The following SLC30A8 variants were observed in gnomAD, a reference collection of about 807,000 sequenced individuals.
SLC30A8 encodes proton-coupled zinc antiporter SLC30A8.
A neutral mutation model predicts 36.9 loss-of-function variants in SLC30A8; 27 were observed. The observed-to-expected ratio is 0.73, with a 90% confidence interval of 0.54 to 1.01. The LOEUF is 1.01. Ranked by LOEUF, SLC30A8 falls within the 50% of genes least tolerant of loss-of-function variation. The pLI is 0.00. For synonymous variants in SLC30A8, 164 were observed against 172.4 expected (o/e 0.95, Z 0.38); for missense variants, 439 against 452.0 (o/e 0.97, Z 0.26).
At chr8:117,170,990 A>AT in intron 6 of SLC30A8, 44 bp from the exon 7 acceptor site, 1 of 1,528,814 alleles carries the variant, frequency 6.5e-7, no homozygotes, top group Non-Finnish European at 8.8e-7. Context: ...AATGAGCTGT[A>AT]TCTAGTTGAA....
chr8:116,974,240 G>T (rs180769020), intron 1 of SLC30A8, among the ~76,000 whole-genome samples: 28 of 152,302 alleles, frequency 1.8e-4, no homozygotes, highest in Non-Finnish European at 3.7e-4. Flanking sequence ...ACCACCATCA[G>T]AGTGAACAGG....
At chr8:116,970,681 C>T (rs535213635) in intron 1 of SLC30A8, among the ~76,000 whole-genome samples, 3 of 152,126 alleles carry the variant, frequency 2.0e-5, no homozygotes, top group Non-Finnish European at 2.9e-5. Context: ...TTGACCAAAA[C>T]GTCATTATGT....
intron 2 of SLC30A8, among the ~76,000 whole-genome samples, chr8:117,091,801 T>G (rs1037588818): frequency 2.6e-5 from 4 of 152,216 alleles, no homozygotes; most frequent in Admixed American, 2.6e-4. Flanking sequence ...GGTATTTCTG[T>G]GGGCTATGTG....
chr8:117,131,057 C>T (rs16889438), upstream of SLC30A8, among the ~76,000 whole-genome samples: 10,091 of 151,824 alleles, frequency 0.066, 940 homozygotes, highest in African/African-American at 0.2. Context: ...CCAGAACATT[C>T]CTATAGCTCA....
chr8:117,025,432 T>G (rs115688075), intron 1 of SLC30A8, among the ~76,000 whole-genome samples: 3 of 152,212 alleles, frequency 2.0e-5, no homozygotes, highest in Non-Finnish European at 4.4e-5. Flanking sequence ...TCTTGAATGA[T>G]TAATGTTCTG....
intron 2 of SLC30A8, among the ~76,000 whole-genome samples, chr8:117,074,599 C>G (rs72687109): frequency 0.059 from 8,977 of 152,194 alleles, 304 homozygotes; most frequent in East Asian, 0.12. Context: ...CCCAGTCTCC[C>G]CCTTGACCTC....
chr8:117,126,719 A>G (rs2130913153), intron 2 of SLC30A8, among the ~76,000 whole-genome samples: 1 of 152,222 alleles, frequency 6.6e-6, no homozygotes, highest in East Asian at 1.9e-4. Context: ...TCATAGGAGT[A>G]GATGAGATGA....
At chr8:117,168,198 A>G (rs1823163564) in intron 6 of SLC30A8, among the ~76,000 whole-genome samples, 1 of 152,126 alleles carries the variant, frequency 6.6e-6, no homozygotes, top group African/African-American at 2.4e-5. Context: ...ACTATATCAC[A>G]TGCATTTCAA....
At chr8:117,121,200 T>C (rs1820680248) in intron 2 of SLC30A8, among the ~76,000 whole-genome samples, 1 of 151,952 alleles carries the variant, frequency 6.6e-6, no homozygotes, top group South Asian at 2.1e-4. Flanking sequence ...CCTGTGTTTA[T>C]TGAAGCATTT....
At chr8:117,145,474 G>A (rs1486886241) in intron 1 of SLC30A8, among the ~76,000 whole-genome samples, 2 of 151,878 alleles carry the variant, frequency 1.3e-5, no homozygotes, top group South Asian at 2.1e-4. Flanking sequence ...AAAACCATCA[G>A]ACTTTTAATT....
rs372745247 is a variant in SLC30A8, at chr8:117,157,917, TA to T, written c.572+79del. 6 of 1,534,234 alleles carry T rather than the reference TA, an allele frequency of 3.9e-6. No homozygotes were observed. The South Asian group carries it at 7.1e-5, about 18-fold the overall frequency. On this transcript the variant is annotated intron_variant, in intron 4 of 7. Coordinates refer to ENST00000456015, the MANE Select transcript of SLC30A8 (RefSeq NM_173851.3). ...AACTATCTGGACAAAGTCGACCTTT[TA>T]AAAAACTCAGTACATGTGAAGATGG...
chr8:117,011,291 G>A (rs1337929093), intron 1 of SLC30A8, among the ~76,000 whole-genome samples: 1 of 152,074 alleles, frequency 6.6e-6, no homozygotes, highest in African/African-American at 2.4e-5. Context: ...GTTTTAACTG[G>A]GTTTATGTCA....
chr8:117,014,631 G>A (rs114883977), intron 1 of SLC30A8, among the ~76,000 whole-genome samples: 1,543 of 152,284 alleles, frequency 0.01, 22 homozygotes, highest in African/African-American at 0.034. Flanking sequence ...AATGGATCCA[G>A]TTTTAACTTA....
At chr8:117,122,477 G>C (rs1480046935) in intron 2 of SLC30A8, among the ~76,000 whole-genome samples, 1 of 151,912 alleles carries the variant, frequency 6.6e-6, no homozygotes, top group Admixed American at 6.6e-5. Flanking sequence ...TTCAAACCCA[G>C]GCCTTTCACC....
intron 2 of SLC30A8, among the ~76,000 whole-genome samples, chr8:117,060,716 T>A (rs1409799635): frequency 6.6e-6 from 1 of 152,162 alleles, no homozygotes; most frequent in Admixed American, 6.6e-5. Context: ...TGTCTTTGTT[T>A]TATCACATAT....
At chr8:116,964,120 A>C (rs1205930221) in intron 1 of SLC30A8, among the ~76,000 whole-genome samples, 4 of 152,208 alleles carry the variant, frequency 2.6e-5, no homozygotes, top group Non-Finnish European at 5.9e-5. Flanking sequence ...GGGCTTTTAC[A>C]ATCTTATAAG....
intron 2 of SLC30A8, among the ~76,000 whole-genome samples, chr8:117,082,609 T>C (rs1477250450): frequency 6.6e-6 from 1 of 152,024 alleles, no homozygotes; most frequent in South Asian, 2.1e-4. Flanking sequence ...AGTAGACAAT[T>C]TGAAAAGAAG....
At chr8:117,093,094 TCTTA>T (rs770855152) in intron 2 of SLC30A8, among the ~76,000 whole-genome samples, 1 of 151,912 alleles carries the variant, frequency 6.6e-6, no homozygotes, top group Non-Finnish European at 1.5e-5. Flanking sequence ...AAGAACAGGA[TCTTA>T]CTTACTTGAG....
chr8:117,148,673 T>C (rs1017864416), intron 2 of SLC30A8, among the ~76,000 whole-genome samples: 2 of 152,152 alleles, frequency 1.3e-5, no homozygotes, highest in African/African-American at 2.4e-5. Context: ...GAATATGTTA[T>C]GTTTCTCCGT....
Sources: gnomAD v4.1 joint callset for allele counts (sites outside exome capture counted in the v4.1 genomes callset) on GRCh38, gnomAD v4.1.1 for gene constraint, MANE v1.5 for transcripts, NCBI Gene and HGNC (gene_info 2026-07-23, HGNC 2026-07-21) for gene names.